The following GPM6B variants were observed in gnomAD, a reference collection of about 807,000 sequenced individuals.
GPM6B encodes neuronal membrane glycoprotein M6-b.
In GPM6B, 4 loss-of-function variants were observed where a neutral mutation model predicts 27.2. That is an observed-to-expected ratio of 0.15 (90% CI 0.07 to 0.34). GPM6B has a LOEUF of 0.34. GPM6B is among the 10% of genes least tolerant of loss of function. GPM6B has a pLI of 1.00. For synonymous variants in GPM6B, 124 were observed against 103.1 expected (o/e 1.20, Z -1.23); for missense variants, 183 against 261.9 (o/e 0.70, Z 2.08).
chrX:13,907,557 C>T (rs964503949), intron 1 of GPM6B, among the ~76,000 whole-genome samples: 1 of 111,065 alleles, frequency 9.0e-6, no homozygotes, highest in African/African-American at 3.3e-5. Context: ...GTGGTGCATG[C>T]CTGTAATCCC....
chrX:13,937,263 G>A (rs1348343220), intron 1 of GPM6B, among the ~76,000 whole-genome samples: 1 of 111,798 alleles, frequency 8.9e-6, no homozygotes, highest in African/African-American at 3.3e-5. Flanking sequence ...TGATCACCTA[G>A]TAAATTTTTT....
chrX:13,810,764 A>G (rs1163040683), intron 1 of GPM6B, among the ~76,000 whole-genome samples: 4 of 108,789 alleles, frequency 3.7e-5, no homozygotes, highest in Non-Finnish European at 7.6e-5. Flanking sequence ...AAAAAAAAAA[A>G]AGAATAGATC....
rs760716392 is a variant in GPM6B at position 13,890,837 on chromosome X, C to A, written c.-198+47490G>T. On this transcript the variant is annotated intron_variant, in intron 1 of 6. Transcript: ENST00000398361. ...GCTGAAGAACTCAGCTCAGATTGACCTAGGACCAAAAAGAAGACTTATCTT... is the reference window on the plus strand; with the variant it reads ...GCTGAAGAACTCAGCTCAGATTGACATAGGACCAAAAAGAAGACTTATCTT... Among the ~76,000 whole-genome samples, 8 of 111,527 alleles carry A rather than the reference C, an allele frequency of 7.2e-5. No homozygotes were observed. In the South Asian group the frequency reaches 3.1e-3, roughly 43 times the overall value.
At chrX:13,791,670 C>T (rs1569201742) in intron 2 of GPM6B, among the ~76,000 whole-genome samples, 1 of 111,664 alleles carries the variant, frequency 9.0e-6, no homozygotes, top group Non-Finnish European at 1.9e-5. Flanking sequence ...ATTTTGTCTC[C>T]AGTATCCCTA....
intron 1 of GPM6B, among the ~76,000 whole-genome samples, chrX:13,931,406 T>C (rs770515833): frequency 6.5e-5 from 7 of 108,078 alleles, no homozygotes; most frequent in Admixed American, 9.9e-5. Context: ...GAGAATGGCG[T>C]GAACCCAGGA....
chrX:13,904,697 A>G (rs1603126656), intron 1 of GPM6B, among the ~76,000 whole-genome samples: 2 of 110,545 alleles, frequency 1.8e-5, no homozygotes, highest in Admixed American at 9.7e-5. Context: ...TAGACAAACT[A>G]GGTGTGCTAG....
rs137932268 is a variant in GPM6B, at chrX:13,918,321, T to A, written c.-198+20006A>T. 6.2e-5 allele frequency among the ~76,000 whole-genome samples: 7 copies of A among 112,663 alleles called. No individual in the cohort carries two copies. The East Asian group carries it at 2.0e-3, about 31-fold the overall frequency. On this transcript the variant is annotated intron_variant, in intron 1 of 6. Coordinates refer to the GPM6B transcript ENST00000398361. Reference sequence around the variant, plus strand: ...GCCTCAAATAATGCCTTTGATGGTATCAACAAAAGCAGCAACATCACAGCA... The same window carrying A: ...GCCTCAAATAATGCCTTTGATGGTAACAACAAAAGCAGCAACATCACAGCA...
chrX:13,840,054 G>A (rs945133137), intron 1 of GPM6B, among the ~76,000 whole-genome samples: 1 of 111,849 alleles, frequency 8.9e-6, no homozygotes, highest in Non-Finnish European at 1.9e-5. Context: ...TTTTGACAAA[G>A]GTGTTTAGAT....
intron 1 of GPM6B, among the ~76,000 whole-genome samples, chrX:13,812,533 G>A (rs1259153255): frequency 2.7e-5 from 3 of 111,626 alleles, no homozygotes; most frequent in East Asian, 2.8e-4. Context: ...AGAAAAAAGC[G>A]AGAGTGTCTT....
At chrX:13,896,680 G>A (rs1342562871) in intron 1 of GPM6B, among the ~76,000 whole-genome samples, 1 of 110,137 alleles carries the variant, frequency 9.1e-6, no homozygotes, top group Non-Finnish European at 1.9e-5. Context: ...TGATTTTCCT[G>A]CCTCAGCCTC....
intron 1 of GPM6B, among the ~76,000 whole-genome samples, chrX:13,904,684 C>T (rs957493085): frequency 1.8e-5 from 2 of 110,688 alleles, no homozygotes; most frequent in Non-Finnish European, 1.9e-5. Context: ...CAGACCCCTA[C>T]GTTAGACAAA....
chrX:13,822,747 C>T lies in GPM6B; in HGVS notation c.-197-36939G>A, dbSNP rs959086038. Among the ~76,000 whole-genome samples, 5 of 111,196 alleles carry T rather than the reference C, an allele frequency of 4.5e-5. No homozygotes were observed. The East Asian group carries it at 1.4e-3, about 31-fold the overall frequency. On this transcript the variant is annotated intron_variant, in intron 1 of 6. Coordinates refer to the GPM6B transcript ENST00000398361. ...GTGTTCTGGTATCAAATACATCGGC[C>T]CTCTGTCTACTTGGAGAAAACAGAA...
chrX:13,898,751 A>G (rs978487395), intron 1 of GPM6B, among the ~76,000 whole-genome samples: 16 of 111,716 alleles, frequency 1.4e-4, no homozygotes, highest in African/African-American at 5.2e-4. Context: ...AAACTGGAAG[A>G]AGGGAAATCA....
At chrX:13,821,223 A>C (rs1452080915), upstream of GPM6B, among the ~76,000 whole-genome samples, 1 of 112,309 alleles carries the variant, frequency 8.9e-6, no homozygotes. Flanking sequence ...CCCTCAAAAT[A>C]GGAGGCTCCC....
chrX:13,825,649 T>C (rs950491622), intron 1 of GPM6B, among the ~76,000 whole-genome samples: 31 of 112,375 alleles, frequency 2.8e-4, no homozygotes, highest in African/African-American at 1.0e-3. Flanking sequence ...TGGAAACCAC[T>C]TTACAGGGGG....
At chrX:13,780,852 T>C (rs1326237340) in intron 4 of GPM6B, 1 of 241,109 alleles carries the variant, frequency 4.1e-6, no homozygotes, top group African/African-American at 3.0e-5. Flanking sequence ...TTGGCTTTTC[T>C]ATTTTGAAGC....
At chrX:13,814,923 G>C (rs2049205891) in intron 1 of GPM6B, among the ~76,000 whole-genome samples, 1 of 112,152 alleles carries the variant, frequency 8.9e-6, no homozygotes, top group African/African-American at 3.2e-5. Flanking sequence ...CAAGCAGCTA[G>C]TGTTTATACA....
intron 1 of GPM6B, among the ~76,000 whole-genome samples, chrX:13,895,962 A>C (rs990815306): frequency 8.7e-5 from 9 of 103,509 alleles, no homozygotes; most frequent in Non-Finnish European, 1.6e-4. Context: ...TGGGCAACAT[A>C]GTGAGACACT....
At chrX:13,834,971 T>C (rs2049479719) in intron 1 of GPM6B, among the ~76,000 whole-genome samples, 1 of 112,391 alleles carries the variant, frequency 8.9e-6, no homozygotes, top group South Asian at 3.7e-4. Flanking sequence ...GAGTGGAGAC[T>C]GCTTCTCACT....
Sources: allele counts gnomAD v4.1 joint callset (sites outside exome capture counted in the v4.1 genomes callset), GRCh38; gene constraint gnomAD v4.1.1; transcripts MANE v1.5; gene names NCBI Gene and HGNC (gene_info 2026-07-23, HGNC 2026-07-21).